Variants in GPC6 observed in about 807,000 individuals in gnomAD.
GPC6 encodes glypican 6, also known as glypican-6.
In GPC6, 14 loss-of-function variants were observed where a neutral mutation model predicts 55.2. The ratio of observed to expected loss-of-function variants is 0.25; its 90% CI spans 0.17 to 0.40. The LOEUF (loss-of-function observed/expected upper bound fraction) is 0.40, where lower values mean the gene tolerates loss of function less well. Ranked by LOEUF, GPC6 falls within the 10% of genes least tolerant of loss-of-function variation. The probability of loss-of-function intolerance (pLI) is 1.00; values close to 1 mark genes in which losing one functional copy is unlikely to be tolerated. For missense variants in GPC6, 641 were observed against 708.5 expected (o/e 0.90, Z 1.08); for synonymous variants, 278 against 259.6 (o/e 1.07, Z -0.68).
chr13:93,562,831 G>A (rs939611022), intron 2 of GPC6, among the ~76,000 whole-genome samples: 5 of 152,048 alleles, frequency 3.3e-5, no homozygotes, highest in African/African-American at 1.2e-4. Flanking sequence ...CCATGAGGTG[G>A]GTGACATCAT....
intron 6 of GPC6, among the ~76,000 whole-genome samples, chr13:94,306,859 A>ACTTTATATACCTACAATTGTTAGTG (rs1875974115): frequency 6.6e-6 from 1 of 152,212 alleles, no homozygotes; most frequent in African/African-American, 2.4e-5. Flanking sequence ...TACTGTAAAC[A>ACTTTATATACCTACAATTGTTAGTG]CTTTATATAC....
intron 4 of GPC6, among the ~76,000 whole-genome samples, chr13:94,162,128 C>T (rs1424749399): frequency 6.6e-6 from 1 of 152,128 alleles, no homozygotes; most frequent in Admixed American, 6.5e-5. Flanking sequence ...ACAGCCAAAC[C>T]ATATCAATAC....
intron 2 of GPC6, among the ~76,000 whole-genome samples, chr13:93,619,057 C>G (rs569711371): frequency 6.6e-6 from 1 of 152,082 alleles, no homozygotes; most frequent in African/African-American, 2.4e-5. Flanking sequence ...ATCTAAAGAT[C>G]TCTAAACATA....
intron 1 of GPC6, among the ~76,000 whole-genome samples, chr13:93,471,920 C>G (rs1476029000): frequency 6.6e-6 from 1 of 152,172 alleles, no homozygotes; most frequent in Non-Finnish European, 1.5e-5. Flanking sequence ...CAGTGCTTCT[C>G]CGTTCTTGCT....
intron 3 of GPC6, among the ~76,000 whole-genome samples, chr13:93,976,955 T>G (rs1255440444): frequency 1.3e-5 from 2 of 152,138 alleles, no homozygotes; most frequent in Non-Finnish European, 2.9e-5. Flanking sequence ...ACATTTTAAT[T>G]ATCTCTAATA....
At chr13:93,906,956 C>T (rs1160222461) in intron 3 of GPC6, among the ~76,000 whole-genome samples, 1 of 152,038 alleles carries the variant, frequency 6.6e-6, no homozygotes, top group African/African-American at 2.4e-5. Context: ...TTTTGAATGC[C>T]TGTCAAAAAT....
At chr13:94,129,697 G>A (rs1886944228) in intron 4 of GPC6, among the ~76,000 whole-genome samples, 1 of 152,070 alleles carries the variant, frequency 6.6e-6, no homozygotes, top group Non-Finnish European at 1.5e-5. Flanking sequence ...TGTCCCCTGT[G>A]TAACTATTTC....
intron 1 of GPC6, among the ~76,000 whole-genome samples, chr13:93,318,761 C>G (rs865831929): frequency 2.0e-5 from 3 of 151,988 alleles, no homozygotes; most frequent in African/African-American, 4.8e-5. Flanking sequence ...TGAGGAAGTG[C>G]GGAAGCCAGT....
rs1017744454 is a variant in GPC6, at chr13:94,322,791, G to A, written c.1152+16668G>A. 8.6e-5 allele frequency among the ~76,000 whole-genome samples: 13 copies of A among 151,994 alleles called. No individual in the cohort carries two copies. The East Asian group carries it at 9.7e-4, about 11-fold the overall frequency. On this transcript the variant is annotated intron_variant, in intron 6 of 8. Coordinates refer to ENST00000377047, the MANE Select transcript of GPC6 (RefSeq NM_005708.5). The stretch of plus-strand genomic sequence containing the variant: ...ACAAAAGCAGCAGGGTTGGTCACAC[G>A]GTGCGGTTCTGCTGTGGGTTGCAGA...
At chr13:93,787,542 T>A (rs1885851725) in intron 2 of GPC6, among the ~76,000 whole-genome samples, 1 of 152,232 alleles carries the variant, frequency 6.6e-6, no homozygotes, top group African/African-American at 2.4e-5. Flanking sequence ...ACTGAATTAT[T>A]TTTATGTTTA....
At chr13:94,398,343 C>A (rs1880983714) in intron 7 of GPC6, 123 bp from the exon 8 acceptor site, 2 of 734,098 alleles carry the variant, frequency 2.7e-6, no homozygotes, top group African/African-American at 3.5e-5. Context: ...GGAACTAGAT[C>A]CAGTTTTTGC....
intron 3 of GPC6, among the ~76,000 whole-genome samples, chr13:93,967,977 G>A (rs935687137): frequency 4.6e-5 from 7 of 152,120 alleles, no homozygotes; most frequent in African/African-American, 1.7e-4. Flanking sequence ...AAAATTAAAT[G>A]TCACCTTTTA....
At chr13:93,907,320 G>A (rs536311753) in intron 3 of GPC6, among the ~76,000 whole-genome samples, 1 of 152,192 alleles carries the variant, frequency 6.6e-6, no homozygotes, top group African/African-American at 2.4e-5. Context: ...ATAATGTGGT[G>A]CAAAAATAAA....
At chr13:93,937,775 C>T (rs1268034802) in intron 3 of GPC6, among the ~76,000 whole-genome samples, 1 of 151,968 alleles carries the variant, frequency 6.6e-6, no homozygotes, top group Admixed American at 6.6e-5. Flanking sequence ...GATGGGGTTT[C>T]ACCATGTTGG....
intron 1 of GPC6, among the ~76,000 whole-genome samples, chr13:93,272,502 A>G (rs910751963): frequency 1.2e-4 from 17 of 146,852 alleles, no homozygotes; most frequent in East Asian, 3.9e-4. Flanking sequence ...GTATATATAT[A>G]TATATATATA....
At chr13:93,224,369 T>C (rs1434172726), upstream of GPC6, among the ~76,000 whole-genome samples, 2 of 151,660 alleles carry the variant, frequency 1.3e-5, no homozygotes, top group African/African-American at 2.4e-5. Context: ...TAATTTTGTA[T>C]CTTCAGTAGA....
At chr13:93,346,030 T>G (rs770669737) in intron 1 of GPC6, among the ~76,000 whole-genome samples, 5 of 152,196 alleles carry the variant, frequency 3.3e-5, no homozygotes, top group African/African-American at 7.2e-5. Context: ...TGAAAGCTGC[T>G]GGACTACTTG....
intron 4 of GPC6, among the ~76,000 whole-genome samples, chr13:94,178,240 G>A (rs569305528): frequency 6.6e-6 from 1 of 152,020 alleles, no homozygotes; most frequent in East Asian, 1.9e-4. Context: ...TTTGTGATCT[G>A]CCCACCTTGG....
chr13:93,957,470 G>A (rs1002076937), intron 3 of GPC6, among the ~76,000 whole-genome samples: 3 of 152,158 alleles, frequency 2.0e-5, no homozygotes, highest in Non-Finnish European at 4.4e-5. Context: ...GTGAGAACAT[G>A]AGGTATTTGG....
Sources: allele counts gnomAD v4.1 joint callset (sites outside exome capture counted in the v4.1 genomes callset), GRCh38; gene constraint gnomAD v4.1.1; transcripts MANE v1.5; gene names NCBI Gene and HGNC (gene_info 2026-07-23, HGNC 2026-07-21).